The following VEPH1 variants were observed in gnomAD, a reference collection of about 807,000 sequenced individuals.
The protein encoded by VEPH1 is ventricular zone-expressed PH domain-containing protein homolog 1.
A neutral mutation model predicts 85.2 loss-of-function variants in VEPH1; 80 were observed. The ratio of observed to expected loss-of-function variants is 0.94; its 90% CI spans 0.78 to 1.13. The LOEUF (loss-of-function observed/expected upper bound fraction) is 1.13. VEPH1 is among the 50% of genes most tolerant of loss of function. VEPH1 has a pLI of 0.00. For synonymous variants in VEPH1, 297 were observed against 348.0 expected, an observed-to-expected ratio of 0.85 and a Z score of 1.63; for missense variants, 955 against 980.5, an observed-to-expected ratio of 0.97 and a Z score of 0.35.
intron 2 of VEPH1, among the ~76,000 whole-genome samples, chr3:157,481,465 CAAA>C (rs1553796737): frequency 1.2e-3 from 77 of 63,310 alleles, no homozygotes; most frequent in African/African-American, 2.3e-3. Flanking sequence ...CACACACACA[CAAA>C]AAAAAAAAAA....
At chr3:157,486,126 A>T (rs1738616537) in intron 2 of VEPH1, among the ~76,000 whole-genome samples, 1 of 152,318 alleles carries the variant, frequency 6.6e-6, no homozygotes, top group East Asian at 1.9e-4. Flanking sequence ...AACATATTTA[A>T]TATCCAATAA....
At chr3:157,270,122 C>T (rs763549987) in intron 12 of VEPH1, among the ~76,000 whole-genome samples, 4 of 151,912 alleles carry the variant, frequency 2.6e-5, no homozygotes, top group South Asian at 2.1e-4. Context: ...TAGCTGGGCA[C>T]GGTGGCATGC....
Position 157,475,409 on chromosome 3 carries a change from C to T in VEPH1, c.139-4880G>A, listed in dbSNP as rs866904308. On this transcript the variant is annotated intron_variant, in intron 2 of 13. Coordinates refer to ENST00000362010, the MANE Select transcript of VEPH1 (RefSeq NM_001167912.2). ...TTTAAAAAAATAGGTGCATTTTACC[C>T]ATTTATATAAAGTGATATGATAGAT... Among the ~76,000 whole-genome samples the T allele has an allele frequency of 3.9e-5, 6 of 152,200 alleles. No individual in the cohort carries two copies. The South Asian group carries it at 1.2e-3, about 32-fold the overall frequency.
chr3:157,501,204 T>G lies in VEPH1; in HGVS notation c.-158+2073A>C, dbSNP rs190999876. On this transcript the variant is annotated intron_variant, in intron 1 of 13. Transcript: ENST00000362010. Reference sequence around the variant, plus strand: ...CTTTGTTGTCCTTTCTCTATCTTAGTCATCCTGTCCTTACCTCTGGGTTGT... The same window carrying G: ...CTTTGTTGTCCTTTCTCTATCTTAGGCATCCTGTCCTTACCTCTGGGTTGT... Among the ~76,000 whole-genome samples, 17 of 152,338 alleles carry G rather than the reference T, an allele frequency of 1.1e-4. 1 individual carries two copies. The highest frequency in any genetic ancestry group is 6.8e-3 in the Middle Eastern group (2 of 294).
At chr3:157,297,963 G>T (rs1464895981) in intron 11 of VEPH1, among the ~76,000 whole-genome samples, 1 of 152,104 alleles carries the variant, frequency 6.6e-6, no homozygotes. Flanking sequence ...GGATGATAAT[G>T]AGGTACCCAG....
chr3:157,439,248 AT>A (rs1042987369), intron 4 of VEPH1, among the ~76,000 whole-genome samples: 7 of 152,290 alleles, frequency 4.6e-5, no homozygotes, highest in African/African-American at 1.7e-4. Flanking sequence ...AAACCGAAGA[AT>A]TACTCTATTT....
rs528109778 is a variant in VEPH1, at chr3:157,312,493, C to T, written c.2010+1128G>A. Among the ~76,000 whole-genome samples the T allele has an allele frequency of 2.1e-3, 307 of 145,476 alleles. 1 individual carries two copies. Among genetic ancestry groups the T allele is most frequent in the African/African-American group, 6.7e-3 (266 of 39,410 alleles). ...TGGTATTTAACCACCACCACCACCA[C>T]CTAGTTAGCCATATAAACAGCTTGG... On this transcript the variant is annotated intron_variant, in intron 11 of 13. Transcript: ENST00000362010.
intron 4 of VEPH1, among the ~76,000 whole-genome samples, chr3:157,445,251 A>G (rs543451094): frequency 1.3e-5 from 2 of 152,296 alleles, no homozygotes; most frequent in African/African-American, 4.8e-5. Context: ...GTGAGAGAAA[A>G]ATATACTTTT....
intron 3 of VEPH1, among the ~76,000 whole-genome samples, chr3:157,465,056 G>A (rs11928409): frequency 0.038 from 5,789 of 152,222 alleles, 363 homozygotes; most frequent in African/African-American, 0.13. Context: ...AGGAACCTGG[G>A]AGTGTACATC....
At chr3:157,281,758 G>C (rs758783946) in intron 12 of VEPH1, among the ~76,000 whole-genome samples, 2 of 152,050 alleles carry the variant, frequency 1.3e-5, no homozygotes, top group African/African-American at 2.4e-5. Context: ...GGATGGTCTC[G>C]ATTTCCTGAC....
chr3:157,393,276 T>C (rs1730044637), intron 6 of VEPH1, among the ~76,000 whole-genome samples: 1 of 152,208 alleles, frequency 6.6e-6, no homozygotes, highest in African/African-American at 2.4e-5. Context: ...TCCAGGCTTC[T>C]TGTTATAGGA....
chr3:157,385,569 G>C (rs116130310), intron 6 of VEPH1, among the ~76,000 whole-genome samples: 1,677 of 152,160 alleles, frequency 0.011, 11 homozygotes, highest in Admixed American at 0.017. Context: ...GAGAAGACTG[G>C]CATTCCTCTA....
chr3:157,364,448 C>T lies in VEPH1; in HGVS notation c.1192G>A (p.Glu398Lys), dbSNP rs2108777400. 1 of 1,613,960 alleles carries T rather than the reference C, an allele frequency of 6.2e-7. No individual in the cohort carries two copies. Among genetic ancestry groups the T allele is most frequent in the Non-Finnish European group, 8.5e-7 (1 of 1,179,920 alleles). Residue 398 changes from glutamate (E) to lysine (K), a missense_variant, in exon 8 of 14, where the codon GAA (glutamate) becomes AAA (lysine). Physicochemically the swap from Glu to Lys is moderately conservative, Grantham distance 56 (BLOSUM62 1). Coordinates refer to ENST00000362010, the MANE Select transcript of VEPH1 (RefSeq NM_001167912.2). The part of the protein sequence containing the change: ...KLEETKLIVT[E>K]NEDHEKLQVK... Reference sequence around the variant, plus strand: ...TGGAGTTTTTCATGGTCTTCATTTTCAGTTACTATGAGCTTGGTTTCTTCC... The same window carrying T: ...TGGAGTTTTTCATGGTCTTCATTTTTAGTTACTATGAGCTTGGTTTCTTCC...
intron 13 of VEPH1, 115 bp downstream of exon 13, chr3:157,265,411 T>C (rs1229632110): frequency 8.7e-7 from 1 of 1,152,870 alleles, no homozygotes; most frequent in East Asian, 2.5e-5. Flanking sequence ...TGCTGTAAGA[T>C]GGTGAAATGG....
At chr3:157,267,815 T>C (rs189106720) in intron 12 of VEPH1, among the ~76,000 whole-genome samples, 10 of 152,218 alleles carry the variant, frequency 6.6e-5, no homozygotes, top group Admixed American at 5.9e-4. Flanking sequence ...TCAAATATAT[T>C]GTAAGATAGT....
intron 6 of VEPH1, among the ~76,000 whole-genome samples, chr3:157,382,963 G>A (rs561327898): frequency 4.6e-5 from 7 of 151,812 alleles, no homozygotes; most frequent in Non-Finnish European, 7.4e-5. Context: ...TCCTATGTAG[G>A]TGCACCACAG....
chr3:157,260,259 G>T lies in VEPH1; in HGVS notation c.*875C>A, dbSNP rs1712706941. 1 of 152,118 alleles carries T rather than the reference G, an allele frequency of 6.6e-6. No individual in the cohort carries two copies. The highest frequency in any genetic ancestry group is 2.1e-4 in the South Asian group (1 of 4,834). 9.4% of individuals were successfully genotyped at this position (152,118 alleles called of 1,614,324 possible). ...GCATGGATTATTGAGAATCACTCTA[G>T]AATTCTGTCTATCATAGTGTAATTA... On this transcript the variant is annotated 3_prime_UTR_variant, in exon 14 of 14. Transcript: ENST00000362010.
At chr3:157,377,164 G>A (rs1043292922) in intron 7 of VEPH1, among the ~76,000 whole-genome samples, 6 of 152,144 alleles carry the variant, frequency 3.9e-5, no homozygotes, top group Non-Finnish European at 5.9e-5. Flanking sequence ...GATTGACAGC[G>A]AGGGGTTGAA....
chr3:157,418,249 C>A (rs1010031111), intron 5 of VEPH1, among the ~76,000 whole-genome samples: 1 of 152,138 alleles, frequency 6.6e-6, no homozygotes, highest in African/African-American at 2.4e-5. Context: ...CAGGGTAGGG[C>A]AGCAACCCTG....
Sources: allele counts gnomAD v4.1 joint callset (sites outside exome capture counted in the v4.1 genomes callset), GRCh38; gene constraint gnomAD v4.1.1; transcripts MANE v1.5; gene names NCBI Gene and HGNC (gene_info 2026-07-23, HGNC 2026-07-21).